CSF2RA: variants seen among roughly 807,000 people sequenced by gnomAD.
CSF2RA encodes the protein granulocyte-macrophage colony-stimulating factor receptor subunit alpha.
Under a neutral mutation model 51.6 loss-of-function variants are expected in CSF2RA, and 42 were observed. The ratio of observed to expected loss-of-function variants is 0.81; its 90% CI spans 0.64 to 1.05. CSF2RA has a LOEUF of 1.05. Ranked by LOEUF, CSF2RA falls within the 50% of genes least tolerant of loss-of-function variation. The pLI, the probability that CSF2RA is intolerant of heterozygous loss-of-function variation, is 0.00. For missense variants in CSF2RA, 530 were observed against 501.1 expected (o/e 1.06, Z -0.55); for synonymous variants, 222 against 193.0 (o/e 1.15, Z -1.24).
the CSF2RA span, among the ~76,000 whole-genome samples, chrX:1,323,448 T>C: frequency 6.6e-6 from 1 of 151,986 alleles, no homozygotes; most frequent in Non-Finnish European, 1.5e-5. Context: ...ATGTCGTCAG[T>C]CACTAGAGGG....
At chrX:1,301,857 C>T (rs752677374) in intron 10 of CSF2RA, among the ~76,000 whole-genome samples, 33 of 150,456 alleles carry the variant, frequency 2.2e-4, no homozygotes, top group Admixed American at 2.1e-3. Flanking sequence ...CCGCCCACCT[C>T]GGCCTCCCAA....
At chrX:1,281,670 C>T (rs758639490) in intron 2 of CSF2RA, among the ~76,000 whole-genome samples, 184 of 152,118 alleles carry the variant, frequency 1.2e-3, no homozygotes, top group Non-Finnish European at 1.4e-3. Context: ...CCAACGCCAA[C>T]CAACTCCGGA....
At chrX:1,311,996 A>G (rs1176858638), downstream of CSF2RA, among the ~76,000 whole-genome samples, 1 of 151,330 alleles carries the variant, frequency 6.6e-6, no homozygotes, top group Non-Finnish European at 1.5e-5. Flanking sequence ...TCGCTCTGTC[A>G]TTCAGGCTGG....
chrX:1,311,744 T>C (rs2084201603), downstream of CSF2RA, among the ~76,000 whole-genome samples: 1 of 151,972 alleles, frequency 6.6e-6, no homozygotes, highest in South Asian at 2.1e-4. Flanking sequence ...TCCAGCCAAA[T>C]AAACCTCTCT....
the CSF2RA span, among the ~76,000 whole-genome samples, chrX:1,320,764 G>A: frequency 4.0e-5 from 6 of 150,464 alleles, no homozygotes; most frequent in African/African-American, 1.2e-4. Flanking sequence ...GCCCGCCTCA[G>A]CCTCCCAAAG....
chrX:1,290,676 C>A (rs2091315932), intron 7 of CSF2RA, among the ~76,000 whole-genome samples, 167 bp downstream of exon 7: 1 of 152,052 alleles, frequency 6.6e-6, no homozygotes. Context: ...ACCAGCCTGA[C>A]CAACATGGGG....
intron 11 of CSF2RA, 31 bp from the exon 12 acceptor site, chrX:1,305,415 A>T (rs1458592989): frequency 1.2e-6 from 2 of 1,612,928 alleles, no homozygotes; most frequent in Admixed American, 3.3e-5. Context: ...CCCGGGGTTC[A>T]TTCTCTTCAC....
chrX:1,295,831 G>C (rs867458420), intron 9 of CSF2RA, among the ~76,000 whole-genome samples: 1 of 135,214 alleles, frequency 7.4e-6, no homozygotes, highest in Non-Finnish European at 1.6e-5. Context: ...CGTCCACCTA[G>C]CTTAATCCTA....
At chrX:1,280,904 G>GCTCCTTCTCCTCCTCCTCCTCCTC (rs2089867433) in intron 2 of CSF2RA, among the ~76,000 whole-genome samples, 3 of 26,980 alleles carry the variant, frequency 1.1e-4, no homozygotes, top group South Asian at 2.3e-3. Flanking sequence ...TCCTCCTCCT[G>GCTCCTTCTCCTCCTCCTCCTCCTC]CTCCTTCTCC....
At chrX:1,323,002 G>A in the CSF2RA span, among the ~76,000 whole-genome samples, 8 of 151,640 alleles carry the variant, frequency 5.3e-5, no homozygotes, top group Non-Finnish European at 8.8e-5. Flanking sequence ...GGTGGCGGGC[G>A]CCTGTGGTCC....
At chrX:1,324,760 G>T in the CSF2RA span, among the ~76,000 whole-genome samples, 1 of 152,076 alleles carries the variant, frequency 6.6e-6, no homozygotes, top group African/African-American at 2.4e-5. Flanking sequence ...TCGGGACCAC[G>T]CAAGATGTGG....
the CSF2RA span, among the ~76,000 whole-genome samples, chrX:1,323,337 A>C: frequency 6.6e-6 from 1 of 150,468 alleles, no homozygotes; most frequent in Non-Finnish European, 1.5e-5. Context: ...AACATGGTGA[A>C]ACCCCGTCTC....
rs1172462654 is a variant in CSF2RA, at chrX:1,278,933, A to C, written c.-26-3745A>C. Among the ~76,000 whole-genome samples the C allele has an allele frequency of 2.7e-5, 4 of 150,312 alleles. No homozygotes were observed. In the Admixed American group the frequency reaches 2.7e-4, roughly 10 times the overall value. The stretch of plus-strand genomic sequence containing the variant: ...CGTGCCTGTAGTCCCAGCTACTCGG[A>C]GGCTGAGGCAGTAGAATCACTTGAA... On this transcript the variant is annotated intron_variant, in intron 2 of 12. Coordinates refer to ENST00000381529, the MANE Select transcript of CSF2RA (RefSeq NM_172245.4).
chrX:1,273,843 C>A (rs1430670996), intron 1 of CSF2RA, among the ~76,000 whole-genome samples: 2 of 151,510 alleles, frequency 1.3e-5, no homozygotes, highest in Non-Finnish European at 2.9e-5. Flanking sequence ...CATGATCTGC[C>A]CGCCTCGGCC....
At chrX:1,288,292 G>A (rs1397145241) in intron 4 of CSF2RA, among the ~76,000 whole-genome samples, 2 of 144,878 alleles carry the variant, frequency 1.4e-5, no homozygotes, top group Non-Finnish European at 3.1e-5. Flanking sequence ...GACCAGCCTG[G>A]CCAACATGGT....
downstream of CSF2RA, among the ~76,000 whole-genome samples, chrX:1,314,481 TACCCAACCCCACTGTGC>T (rs2084389432): frequency 7.1e-6 from 1 of 140,030 alleles, no homozygotes; most frequent in African/African-American, 2.8e-5. Context: ...CCAATGCACC[TACCCAACCCCACTGTGC>T]CTGCCCAACC....
At chrX:1,283,327 C>G (rs1935533942) in intron 3 of CSF2RA, among the ~76,000 whole-genome samples, 1 of 147,506 alleles carries the variant, frequency 6.8e-6, no homozygotes, top group South Asian at 2.1e-4. Flanking sequence ...CCTTCCCTTT[C>G]TCTCTTTCTT....
At chrX:1,292,864 C>T (rs1337398210) in intron 7 of CSF2RA, among the ~76,000 whole-genome samples, 6 of 152,182 alleles carry the variant, frequency 3.9e-5, no homozygotes, top group Middle Eastern at 3.4e-3. Flanking sequence ...GGCTGGGGGA[C>T]GGTCAGGTCT....
chrX:1,299,924 T>C (rs1212750983), intron 9 of CSF2RA, among the ~76,000 whole-genome samples: 4 of 146,200 alleles, frequency 2.7e-5, no homozygotes, highest in Non-Finnish European at 6.0e-5. Flanking sequence ...TCAAATAAAA[T>C]AAAATAAAAG....
Sources: gnomAD v4.1 joint callset for allele counts (sites outside exome capture counted in the v4.1 genomes callset) on GRCh38, gnomAD v4.1.1 for gene constraint, MANE v1.5 for transcripts, NCBI Gene and HGNC (gene_info 2026-07-23, HGNC 2026-07-21) for gene names.